The following PRKDC variants were observed in gnomAD, a reference collection of about 807,000 sequenced individuals.
PRKDC encodes the protein protein kinase, DNA-activated, catalytic subunit.
PRKDC carries 82 observed loss-of-function variants against 486.9 expected under a neutral mutation model. That is an observed-to-expected ratio of 0.17 (90% CI 0.14 to 0.20). The LOEUF is 0.20. Among genes scored for constraint, PRKDC ranks in the 10% least tolerant of loss-of-function variants. The probability of loss-of-function intolerance (pLI) is 1.00; values close to 1 mark genes in which losing one functional copy is unlikely to be tolerated. For synonymous variants in PRKDC, 1,895 were observed against 1,837.0 expected (o/e 1.03, Z -0.81); for missense variants, 4,504 against 5,038.2 (o/e 0.89, Z 3.21).
chr8:47,906,273 G>A (rs921994529), intron 25 of PRKDC, among the ~76,000 whole-genome samples: 1 of 152,148 alleles, frequency 6.6e-6, no homozygotes, highest in Non-Finnish European at 1.5e-5. Flanking sequence ...CTTGGGCCCA[G>A]GAGGTGGAGG....
intron 7 of PRKDC, among the ~76,000 whole-genome samples, chr8:47,948,460 GTT>G (rs1194268682): frequency 5.0e-5 from 6 of 120,222 alleles, no homozygotes; most frequent in Admixed American, 8.6e-5. Flanking sequence ...TGGGTGCCTT[GTT>G]TTTTTTTTTT....
Position 47,886,147 on chromosome 8 carries a change from A to G in PRKDC, c.4573T>C (p.Cys1525Arg), listed in dbSNP as rs371324065. ...AGGAGAAGACTCACAAGGCGCTCAC[A>G]CTGGGAAAAAGAAAGGAGAAGTACC... ...LELAFAFGGL[C>R]ERLVSLLLNP... is the part of the protein sequence containing the mutation. The change falls in exon 36 of 86, where the codon TGT becomes CGT. Residue 1525 changes from cysteine to arginine, a missense_variant and splice_region_variant. Cys to Arg is a radical substitution (Grantham distance 180). This residue lies in a region of PRKDC where 1,969 missense variants were observed against 2,068.9 expected (regional missense o/e 0.95). Coordinates refer to ENST00000314191, the MANE Select transcript of PRKDC (RefSeq NM_006904.7). The G allele has an allele frequency of 6.9e-6, 11 of 1,588,216 alleles. 1 individual carries two copies. The South Asian group carries it at 8.0e-5, about 12-fold the overall frequency.
chr8:47,878,776 A>C (rs919223515), intron 39 of PRKDC, among the ~76,000 whole-genome samples: 1 of 152,338 alleles, frequency 6.6e-6, no homozygotes, highest in African/African-American at 2.4e-5. Flanking sequence ...TTCATCTCTG[A>C]AACTGTTGTG....
chr8:47,880,944 G>A (rs769545426), intron 38 of PRKDC, among the ~76,000 whole-genome samples: 4 of 151,906 alleles, frequency 2.6e-5, no homozygotes, highest in Non-Finnish European at 4.4e-5. Flanking sequence ...CTACTTGGGA[G>A]GCTGAGGCAC....
intron 62 of PRKDC, among the ~76,000 whole-genome samples, chr8:47,827,068 A>G (rs2087754867): frequency 6.6e-6 from 1 of 151,574 alleles, no homozygotes; most frequent in African/African-American, 2.4e-5. Flanking sequence ...TTACGCTTCC[A>G]TTCCAGGGAT....
intron 16 of PRKDC, among the ~76,000 whole-genome samples, chr8:47,931,641 C>T (rs1177662190): frequency 6.6e-6 from 1 of 152,174 alleles, no homozygotes; most frequent in African/African-American, 2.4e-5. Context: ...CCGGCTTGTA[C>T]TGTGTCCCTT....
chr8:47,834,840 G>A (rs1408556284), intron 58 of PRKDC, among the ~76,000 whole-genome samples: 1 of 151,466 alleles, frequency 6.6e-6, no homozygotes, highest in Non-Finnish European at 1.5e-5. Context: ...ACAGGCGCCC[G>A]CTACCACGCC....
intron 74 of PRKDC, among the ~76,000 whole-genome samples, chr8:47,794,044 G>A (rs1291628732): frequency 2.0e-5 from 3 of 152,144 alleles, no homozygotes; most frequent in African/African-American, 7.2e-5. Context: ...TCTATCCCAA[G>A]CAATCATGAC....
At position 47,904,892 on chromosome 8, in the gene PRKDC, C is replaced by T. The variant is rs1360663094; in HGVS notation, c.3019G>A (p.Val1007Ile). The change falls in exon 26 of 86, where the codon GTT becomes ATT. Residue 1007 changes from valine (V) to isoleucine (I), a missense_variant. Physicochemically the swap from Val to Ile is conservative, Grantham distance 29. Coordinates refer to ENST00000314191, the MANE Select transcript of PRKDC (RefSeq NM_006904.7). Reference protein sequence around the residue: ...NNKKFESQDTVALLEAILDGI... With the variant: ...NNKKFESQDTIALLEAILDGI... The stretch of plus-strand genomic sequence containing the variant: ...ACCAATATAGCTTCTAGTAAGGCAA[C>T]AGTATCCTGACTTTCAAATTTCTTG... The T allele has an allele frequency of 1.4e-5, 23 of 1,611,054 alleles. No individual in the cohort carries two copies. Among genetic ancestry groups the T allele is most frequent in the Non-Finnish European group, 1.7e-5 (20 of 1,177,454 alleles).
intron 15 of PRKDC, 57 bp from the exon 16 acceptor site, chr8:47,933,229 T>C: frequency 2.2e-6 from 3 of 1,343,372 alleles, no homozygotes; most frequent in Non-Finnish European, 3.0e-6. Flanking sequence ...GTATTAGTAT[T>C]TTATAAGCAT....
chr8:47,927,397 T>C (rs376361750), intron 20 of PRKDC, 44 bp from the exon 21 acceptor site: 1 of 1,564,868 alleles, frequency 6.4e-7, no homozygotes, highest in Non-Finnish European at 8.6e-7. Flanking sequence ...GCAGGAAATA[T>C]AAGATTTAGA....
rs193040955 is a variant in PRKDC at position 47,842,046 on chromosome 8, C to T, written c.7281-1857G>A. ...GACCACCCAGAGACATACCCCACAA[C>T]CCTCTCTGACTTTGCCAAGCACAGA... On this transcript the variant is annotated intron_variant, in intron 54 of 85. Coordinates refer to ENST00000314191, the MANE Select transcript of PRKDC (RefSeq NM_006904.7). Among the ~76,000 whole-genome samples, 139 of 152,318 alleles carry T rather than the reference C, an allele frequency of 9.1e-4. 1 individual carries two copies. The highest frequency in any genetic ancestry group is 2.5e-3 in the South Asian group (12 of 4,826).
At chr8:47,919,980 G>A (rs910379142) in intron 21 of PRKDC, among the ~76,000 whole-genome samples, 2 of 152,236 alleles carry the variant, frequency 1.3e-5, no homozygotes, top group South Asian at 2.1e-4. Flanking sequence ...AACTTAAGGC[G>A]TTCCTGAACC....
intron 11 of PRKDC, among the ~76,000 whole-genome samples, chr8:47,939,340 A>G (rs1052887131): frequency 2.0e-5 from 3 of 152,224 alleles, no homozygotes; most frequent in Non-Finnish European, 2.9e-5. Flanking sequence ...AGCCCTCTAT[A>G]TAAGTTTCAC....
chr8:47,864,289 T>C (rs1011546248), intron 41 of PRKDC, among the ~76,000 whole-genome samples: 1 of 151,928 alleles, frequency 6.6e-6, no homozygotes, highest in Admixed American at 6.6e-5. Context: ...GTTCCCAGAG[T>C]GAGCGTGGCC....
intron 25 of PRKDC, among the ~76,000 whole-genome samples, chr8:47,909,764 T>C (rs2089861663): frequency 6.6e-6 from 1 of 152,116 alleles, no homozygotes; most frequent in South Asian, 2.1e-4. Context: ...TCTTATGCAG[T>C]TGAGATAAGG....
In PRKDC at chr8:47,943,382, C is replaced by T. The variant is rs761662632; in HGVS notation, c.809-16G>A. 3.2e-6 allele frequency: 5 copies of T among 1,584,942 alleles called. No homozygotes were observed. Among genetic ancestry groups the T allele is most frequent in the Non-Finnish European group, 4.3e-6 (5 of 1,168,042 alleles). ...CGCAAGCCAGCTGCAAATGCAAATG[C>T]CATTATATTTAAAATCAGACGACAT... On this transcript the variant is annotated splice_polypyrimidine_tract_variant and intron_variant, in intron 9 of 85. Transcript: ENST00000314191.
At chr8:47,829,478 T>C (rs1288276730) in intron 61 of PRKDC, among the ~76,000 whole-genome samples, 2 of 152,192 alleles carry the variant, frequency 1.3e-5, no homozygotes, top group Admixed American at 1.3e-4. Context: ...ATACTTAATA[T>C]TTAAAAAATA....
intron 25 of PRKDC, among the ~76,000 whole-genome samples, chr8:47,908,852 G>GT (rs916479868): frequency 2.0e-5 from 3 of 152,094 alleles, no homozygotes; most frequent in Admixed American, 1.3e-4. Context: ...TTTATAGTTC[G>GT]TTTTTCCTTC....
Sources: allele counts gnomAD v4.1 joint callset (sites outside exome capture counted in the v4.1 genomes callset), GRCh38; gene constraint gnomAD v4.1.1; regional missense constraint gnomAD v4.1.1; transcripts MANE v1.5; gene names NCBI Gene and HGNC (gene_info 2026-07-23, HGNC 2026-07-21).